TBC1D5: variants seen among roughly 807,000 people sequenced by gnomAD.
TBC1D5 encodes the protein TBC1 domain family, member 5.
Under a neutral mutation model 100.3 loss-of-function variants are expected in TBC1D5, and 75 were observed. The observed-to-expected ratio is 0.75, with a 90% CI of 0.62 to 0.91. The LOEUF (loss-of-function observed/expected upper bound fraction) is 0.91. Ranked by LOEUF, TBC1D5 falls within the 40% of genes least tolerant of loss-of-function variation. The pLI is 0.00. For missense variants in TBC1D5, 910 were observed against 942.4 expected, an observed-to-expected ratio of 0.97 and a Z score of 0.45; for synonymous variants, 323 against 325.6, an observed-to-expected ratio of 0.99 and a Z score of 0.09.
intron 1 of TBC1D5, among the ~76,000 whole-genome samples, chr3:17,634,515 C>G (rs1338502955): frequency 6.7e-6 from 1 of 150,238 alleles, no homozygotes; most frequent in Admixed American, 6.7e-5. Flanking sequence ...TTTGTGGGAT[C>G]TAAAAACCAA....
chr3:17,301,559 T>G (rs755817898), intron 14 of TBC1D5, among the ~76,000 whole-genome samples: 30 of 152,210 alleles, frequency 2.0e-4, no homozygotes, highest in Non-Finnish European at 2.8e-4. Context: ...AGAATTGTAA[T>G]GTGGTTCTGG....
intron 1 of TBC1D5, among the ~76,000 whole-genome samples, chr3:17,718,029 G>C (rs564629897): frequency 6.6e-6 from 1 of 152,136 alleles, no homozygotes; most frequent in African/African-American, 2.4e-5. Context: ...CCGTACTGAA[G>C]TACGAAGTCA....
chr3:17,446,297 T>G (rs1419951728), intron 3 of TBC1D5, among the ~76,000 whole-genome samples: 1 of 152,146 alleles, frequency 6.6e-6, no homozygotes, highest in African/African-American at 2.4e-5. Context: ...ATGAGAAGAA[T>G]TATAGTAGCT....
At chr3:17,671,853 A>T (rs961718104) in intron 1 of TBC1D5, among the ~76,000 whole-genome samples, 25 of 152,364 alleles carry the variant, frequency 1.6e-4, no homozygotes, top group Non-Finnish European at 3.1e-4. Flanking sequence ...TACATAACGT[A>T]TTGCACTATG....
intron 13 of TBC1D5, among the ~76,000 whole-genome samples, chr3:17,352,363 C>G (rs1263294114): frequency 1.3e-5 from 2 of 151,870 alleles, no homozygotes; most frequent in African/African-American, 4.8e-5. Flanking sequence ...AAATGTTTTA[C>G]TTTAAAAGGC....
At chr3:17,186,728 A>T (rs2069141831) in intron 18 of TBC1D5, among the ~76,000 whole-genome samples, 1 of 148,326 alleles carries the variant, frequency 6.7e-6, no homozygotes, top group African/African-American at 2.5e-5. Context: ...AAAAAAAAAA[A>T]AAAAAAAAAA....
rs569252205 is a variant in TBC1D5, at chr3:17,487,394, C to G, written c.97+21080G>C. 1.3e-4 allele frequency among the ~76,000 whole-genome samples: 20 copies of G among 152,208 alleles called. No homozygotes were observed. In the East Asian group the frequency reaches 3.7e-3, roughly 28 times the overall value. The stretch of plus-strand genomic sequence containing the variant: ...AGTTAACATAAACAATATTTCCAAT[C>G]CAAAATTAAGGATTGGTCATTTTTT... On this transcript the variant is annotated intron_variant, in intron 3 of 21. Coordinates refer to ENST00000253692, the Ensembl canonical transcript of TBC1D5.
intron 2 of TBC1D5, among the ~76,000 whole-genome samples, chr3:17,591,702 A>C (rs975718126): frequency 2.6e-5 from 4 of 152,196 alleles, no homozygotes; most frequent in Non-Finnish European, 4.4e-5. Context: ...GCATAGGTAA[A>C]CTTAGCAGCT....
intron 1 of TBC1D5, among the ~76,000 whole-genome samples, chr3:17,696,446 C>G (rs1490361735): frequency 1.3e-5 from 2 of 152,192 alleles, no homozygotes; most frequent in Non-Finnish European, 2.9e-5. Context: ...GAAATACAAA[C>G]TACCATCAGA....
At chr3:17,684,242 G>A (rs2069932741) in intron 1 of TBC1D5, among the ~76,000 whole-genome samples, 2 of 151,738 alleles carry the variant, frequency 1.3e-5, no homozygotes. Context: ...ATAAATCAAA[G>A]GAAAACACTT....
chr3:17,490,705 T>C (rs543087924), intron 3 of TBC1D5, among the ~76,000 whole-genome samples: 1 of 152,354 alleles, frequency 6.6e-6, no homozygotes, highest in African/African-American at 2.4e-5. Flanking sequence ...CATGCTGTGT[T>C]GGTTACTGTA....
intron 13 of TBC1D5, among the ~76,000 whole-genome samples, chr3:17,327,292 T>G (rs1240813958): frequency 1.3e-5 from 2 of 152,216 alleles, no homozygotes; most frequent in Non-Finnish European, 2.9e-5. Flanking sequence ...TGTCTTCCTA[T>G]AGTCCATTCT....
intron 1 of TBC1D5, among the ~76,000 whole-genome samples, chr3:17,710,979 G>A (rs2074675021): frequency 1.3e-5 from 2 of 152,124 alleles, no homozygotes; most frequent in South Asian, 4.1e-4. Flanking sequence ...TTACAGGCAT[G>A]AGCCACCATA....
intron 14 of TBC1D5, among the ~76,000 whole-genome samples, chr3:17,296,923 G>T (rs2082311052): frequency 6.6e-6 from 1 of 152,192 alleles, no homozygotes; most frequent in Admixed American, 6.5e-5. Context: ...CTTGGAAAAA[G>T]ATTTAAACAA....
At chr3:17,285,939 T>C (rs1332391959) in intron 15 of TBC1D5, among the ~76,000 whole-genome samples, 1 of 152,244 alleles carries the variant, frequency 6.6e-6, no homozygotes, top group Non-Finnish European at 1.5e-5. Flanking sequence ...GACTATGAAA[T>C]TAAATTCTTA....
chr3:17,526,276 G>A (rs182119859), intron 2 of TBC1D5, among the ~76,000 whole-genome samples: 15 of 152,090 alleles, frequency 9.9e-5, no homozygotes, highest in Admixed American at 2.0e-4. Flanking sequence ...GGAATGCAGC[G>A]GTGCATTCAT....
chr3:17,554,155 T>C (rs191459693), intron 2 of TBC1D5, among the ~76,000 whole-genome samples: 7 of 152,338 alleles, frequency 4.6e-5, no homozygotes, highest in East Asian at 1.9e-4. Flanking sequence ...AAAGACTGCA[T>C]TGAATAACCT....
At chr3:17,644,490 C>T (rs1222699449) in intron 1 of TBC1D5, among the ~76,000 whole-genome samples, 2 of 152,246 alleles carry the variant, frequency 1.3e-5, no homozygotes, top group East Asian at 3.9e-4. Flanking sequence ...AAACTAGCAA[C>T]TAGCACAGTG....
At chr3:17,260,095 T>C (rs911779977) in intron 15 of TBC1D5, among the ~76,000 whole-genome samples, 2 of 152,174 alleles carry the variant, frequency 1.3e-5, no homozygotes, top group South Asian at 4.1e-4. Flanking sequence ...GACCCAAGTA[T>C]AATGGGAAAA....
Sources: gnomAD v4.1 joint callset for allele counts (sites outside exome capture counted in the v4.1 genomes callset) on GRCh38, gnomAD v4.1.1 for gene constraint, MANE v1.5 for transcripts, NCBI Gene and HGNC (gene_info 2026-07-23, HGNC 2026-07-21) for gene names.